Variants in CYP27C1 observed in about 807,000 individuals in gnomAD.
CYP27C1 encodes the protein cytochrome P450 family 27 subfamily C member 1.
A neutral mutation model predicts 40.6 loss-of-function variants in CYP27C1; 29 were observed. The observed-to-expected ratio is 0.71, with a 90% confidence interval of 0.53 to 0.97. The LOEUF is 0.97. CYP27C1 is among the 50% of genes least tolerant of loss of function. The pLI, the probability that CYP27C1 is intolerant of heterozygous loss-of-function variation, is 0.00. For synonymous variants in CYP27C1, 198 were observed against 186.8 expected (o/e 1.06, Z -0.49); for missense variants, 390 against 485.8 (o/e 0.80, Z 1.85).
At chr2:127,212,032 A>G (rs574653193) in intron 1 of CYP27C1, among the ~76,000 whole-genome samples, 2 of 152,340 alleles carry the variant, frequency 1.3e-5, no homozygotes, top group East Asian at 3.9e-4. Context: ...AGAGAATACT[A>G]TAAACACCTC....
intron 3 of CYP27C1, among the ~76,000 whole-genome samples, chr2:127,202,340 G>A (rs1162956449): frequency 6.6e-6 from 1 of 152,098 alleles, no homozygotes; most frequent in Non-Finnish European, 1.5e-5. Flanking sequence ...TGGCCAGACT[G>A]GTCTCAAACT....
chr2:127,203,395 A>G lies in CYP27C1; in HGVS notation c.650T>C (p.Leu217Pro), dbSNP rs866217816. The change falls in exon 3 of 9, where the codon CTT (leucine) becomes CCT (proline). Residue 217 changes from leucine to proline, a missense_variant. By Grantham distance (98) the Leu-to-Pro change is moderately conservative. Coordinates refer to ENST00000664447, the MANE Select transcript of CYP27C1 (RefSeq NM_001367502.1). Reference protein sequence around the residue: ...DGETVTNVNDLFFKYSMEGVA... With the variant: ...DGETVTNVNDPFFKYSMEGVA... The stretch of plus-strand genomic sequence containing the variant: ...ACCTTCCATTGAATATTTGAAGAAA[A>G]GATCATTGACATTGGTCACGGTTTC... 6.2e-7 allele frequency: 1 copy of G among 1,612,406 alleles called. No individual in the cohort carries two copies. Among genetic ancestry groups the G allele is most frequent in the Non-Finnish European group, 8.5e-7 (1 of 1,179,598 alleles).
rs908892484 is a variant in CYP27C1 at position 127,184,826 on chromosome 2, T to C, written c.*2445A>G. 1.3e-5 allele frequency: 2 copies of C among 152,360 alleles called. No homozygotes were observed. Among genetic ancestry groups the C allele is most frequent in the Non-Finnish European group, 2.9e-5 (2 of 68,188 alleles). 9.4% of individuals were successfully genotyped at this position (152,360 alleles called of 1,614,324 possible). The stretch of plus-strand genomic sequence containing the variant: ...TGACTGCATCCCCATGGAGTTTGTT[T>C]GTGTGTTTGTTTGTTATGAAGTCTT... On this transcript the variant is annotated 3_prime_UTR_variant, in exon 9 of 9. Coordinates refer to ENST00000664447, the MANE Select transcript of CYP27C1 (RefSeq NM_001367502.1).
Position 127,187,029 on chromosome 2 carries a change from G to C in CYP27C1, c.*242C>G, listed in dbSNP as rs1341227332. 6 of 478,990 alleles carry C rather than the reference G, an allele frequency of 1.3e-5. No homozygotes were observed. Among genetic ancestry groups the C allele is most frequent in the Non-Finnish European group, 1.9e-5 (5 of 265,310 alleles). The allele number at this position is 478,990 out of a possible 1,614,324, so 29.7% of individuals were successfully genotyped here. A position where few individuals can be genotyped will look rare whatever the true frequency, so the allele number is the denominator to read the frequency against. ...GAAGCATAAAAATTCACTGCCACTG[G>C]TTTTTAAACAGCTGTTTCCCCCAAA... On this transcript the variant is annotated 3_prime_UTR_variant, in exon 9 of 9. Transcript: ENST00000664447.
chr2:127,195,298 GAC>G lies in CYP27C1; in HGVS notation c.1214+35_1214+36del. The stretch of plus-strand genomic sequence containing the variant: ...GTGATAGAGAACCAGGGACCTAAGG[GAC>G]ACAGTTTGTTGACGGATTCTGGCGA... On this transcript the variant is annotated intron_variant, in intron 6 of 8. Coordinates refer to ENST00000664447, the MANE Select transcript of CYP27C1 (RefSeq NM_001367502.1). This position sits in a 1 kb window ranked among gnomAD's most constrained non-coding sequence, Gnocchi z 6.2. The G allele has an allele frequency of 4.3e-6, 7 of 1,613,254 alleles. No individual in the cohort carries two copies. Among genetic ancestry groups the G allele is most frequent in the Non-Finnish European group, 5.9e-6 (7 of 1,179,554 alleles).
rs546712653 is a variant in CYP27C1 at position 127,186,424 on chromosome 2, G to A, written c.*847C>T. The stretch of plus-strand genomic sequence containing the variant: ...TATTTTATTTTATTTTTGAGAAAGG[G>A]TCTCACTCTGTCACCCAGGCTGAAG... On this transcript the variant is annotated 3_prime_UTR_variant, in exon 9 of 9. Coordinates refer to ENST00000664447, the MANE Select transcript of CYP27C1 (RefSeq NM_001367502.1). This position sits in a 1 kb window ranked among gnomAD's most constrained non-coding sequence, Gnocchi z 4.5. 2.1e-5 allele frequency: 3 copies of A among 142,484 alleles called. No homozygotes were observed. In the East Asian group the frequency reaches 6.3e-4, roughly 30 times the overall value. The allele number at this position is 142,484 out of a possible 1,614,324, so 8.8% of individuals were successfully genotyped here. A position where few individuals can be genotyped will look rare whatever the true frequency, so the allele number is the denominator to read the frequency against.
chr2:127,214,012 G>A (rs919654646), intron 1 of CYP27C1, among the ~76,000 whole-genome samples: 3 of 152,050 alleles, frequency 2.0e-5, no homozygotes, highest in Non-Finnish European at 2.9e-5. Flanking sequence ...AATATAAACA[G>A]ACACCTCTCA....
At chr2:127,206,852 G>A (rs949204145) in intron 1 of CYP27C1, among the ~76,000 whole-genome samples, 1 of 152,104 alleles carries the variant, frequency 6.6e-6, no homozygotes, top group African/African-American at 2.4e-5. Flanking sequence ...CATCTGGATT[G>A]GAAATGAAGA....
rs542218211 is a variant in CYP27C1 at position 127,200,058 on chromosome 2, C to A, written c.884-519G>T. Among the ~76,000 whole-genome samples the A allele has an allele frequency of 2.2e-4, 34 of 152,336 alleles. No individual in the cohort carries two copies. Among genetic ancestry groups the A allele is most frequent in the Admixed American group, 1.7e-3 (26 of 15,304 alleles). Reference sequence around the variant, plus strand: ...GCAGTGGCAGGATCTCGGCTCACTGCAACCTCCGCCTCCCGGGTTCAAGCC... The same window carrying A: ...GCAGTGGCAGGATCTCGGCTCACTGAAACCTCCGCCTCCCGGGTTCAAGCC... On this transcript the variant is annotated intron_variant, in intron 4 of 8. Transcript: ENST00000664447. This position sits in a 1 kb window ranked among gnomAD's most constrained non-coding sequence, Gnocchi z 4.2.
chr2:127,217,893 G>A (rs1683464548), intron 1 of CYP27C1, among the ~76,000 whole-genome samples: 1 of 152,178 alleles, frequency 6.6e-6, no homozygotes, highest in African/African-American at 2.4e-5. Flanking sequence ...GTTCGAAATT[G>A]GGAGTCCTCA....
In CYP27C1 at chr2:127,204,605, G is replaced by GA. The variant is rs1399227019; in HGVS notation, c.474-1035dup. 2.0e-5 allele frequency among the ~76,000 whole-genome samples: 2 copies of GA among 101,690 alleles called. 1 individual carries two copies. The highest frequency in any genetic ancestry group is 4.0e-5 in the Non-Finnish European group (2 of 49,488). 66.7% of individuals were successfully genotyped at this position (101,690 alleles called of 152,430 possible). On this transcript the variant is annotated intron_variant, in intron 2 of 8. Coordinates refer to ENST00000664447, the MANE Select transcript of CYP27C1 (RefSeq NM_001367502.1). ...AGAAAGAAAGAAAGAAAGAAAGAAA[G>GA]AAAGAAAGAAAGAAAGAAAGAAGAC... is the stretch of plus-strand genomic sequence containing the variant.
chr2:127,191,886 G>A (rs1301785042), intron 8 of CYP27C1, among the ~76,000 whole-genome samples: 1 of 152,236 alleles, frequency 6.6e-6, no homozygotes, highest in Non-Finnish European at 1.5e-5. Flanking sequence ...CACCCCAGCA[G>A]AGTCTCATGG....
chr2:127,207,293 G>A (rs1683247819), intron 1 of CYP27C1, among the ~76,000 whole-genome samples: 1 of 152,160 alleles, frequency 6.6e-6, no homozygotes, highest in Non-Finnish European at 1.5e-5. Flanking sequence ...TCAAGAGTTT[G>A]AGACCAGCCT....
Position 127,198,693 on chromosome 2 carries a change from T to C in CYP27C1, c.1047+683A>G, listed in dbSNP as rs147409903. 2.4e-3 allele frequency among the ~76,000 whole-genome samples: 360 copies of C among 152,316 alleles called. 1 individual carries two copies. Among genetic ancestry groups the C allele is most frequent in the African/African-American group, 8.3e-3 (343 of 41,574 alleles). On this transcript the variant is annotated intron_variant, in intron 5 of 8. Coordinates refer to ENST00000664447, the MANE Select transcript of CYP27C1 (RefSeq NM_001367502.1). ...TGTTAGATACACACATACTTACCAC[T>C]GTGTTCCAGCTGCCCACAGTATTCA...
intron 1 of CYP27C1, among the ~76,000 whole-genome samples, chr2:127,211,802 T>C (rs1197136576): frequency 6.6e-6 from 1 of 151,712 alleles, no homozygotes. Flanking sequence ...GAGAGCAAAC[T>C]AATCCAAAAG....
At chr2:127,205,293 GTA>G (rs1003915528) in intron 2 of CYP27C1, among the ~76,000 whole-genome samples, 5 of 152,284 alleles carry the variant, frequency 3.3e-5, no homozygotes, top group Admixed American at 2.6e-4. Context: ...CCCAATTTAT[GTA>G]TAAGGACATA....
chr2:127,202,210 C>T (rs1222871073), intron 3 of CYP27C1, among the ~76,000 whole-genome samples: 1 of 151,736 alleles, frequency 6.6e-6, no homozygotes, highest in African/African-American at 2.4e-5. Context: ...CTGCAACCTC[C>T]GCCTCTCTAG....
rs1410962260 is a variant in CYP27C1 at position 127,219,977 on chromosome 2, G to C, written c.282+12C>G. ...GCCCGGGCTGGCTCCCTCCCGGGGC[G>C]GCGCGCGCTACCTGGATCTCGTGGA... On this transcript the variant is annotated intron_variant, in intron 1 of 8. Transcript: ENST00000664447. The surrounding 1 kb of genome is among the most constrained non-coding windows in gnomAD (Gnocchi z 8.7). The C allele has an allele frequency of 6.6e-6, 1 of 152,042 alleles. No individual in the cohort carries two copies. The highest frequency in any genetic ancestry group is 1.5e-5 in the Non-Finnish European group (1 of 68,004). The allele number at this position is 152,042 out of a possible 1,614,324, so 9.4% of individuals were successfully genotyped here.
In CYP27C1 at chr2:127,185,705, G is replaced by T. The variant is rs373336166; in HGVS notation, c.*1566C>A. The T allele has an allele frequency of 6.6e-6, 1 of 152,148 alleles. No individual in the cohort carries two copies. Among genetic ancestry groups the T allele is most frequent in the African/African-American group, 2.4e-5 (1 of 41,428 alleles). 9.4% of individuals were successfully genotyped at this position (152,148 alleles called of 1,614,324 possible). A position where few individuals can be genotyped will look rare whatever the true frequency, so the allele number is the denominator to read the frequency against. On this transcript the variant is annotated 3_prime_UTR_variant, in exon 9 of 9. Transcript: ENST00000664447. This position sits in a 1 kb window ranked among gnomAD's most constrained non-coding sequence, Gnocchi z 4.9. ...GGATATTATGTCTATTTACTTAAGG[G>T]TTATTTTGCAGAGTGACTTACTAAA...
Sources: allele counts gnomAD v4.1 joint callset (sites outside exome capture counted in the v4.1 genomes callset), GRCh38; gene constraint gnomAD v4.1.1; non-coding constraint Gnocchi (gnomAD v3.1); transcripts MANE v1.5; gene names NCBI Gene and HGNC (gene_info 2026-07-23, HGNC 2026-07-21).